The following PHKA2 variants were observed in gnomAD, a reference collection of about 807,000 sequenced individuals.
PHKA2 encodes phosphorylase kinase regulatory subunit alpha 2.
In PHKA2, 31 loss-of-function variants were observed where a neutral mutation model predicts 102.0. The ratio of observed to expected loss-of-function variants is 0.30; its 90% CI spans 0.23 to 0.41. The LOEUF (loss-of-function observed/expected upper bound fraction) is 0.41, where lower values mean the gene tolerates loss of function less well. PHKA2 is among the 10% of genes least tolerant of loss of function. The pLI is 1.00. For missense variants in PHKA2, 858 were observed against 1,023.1 expected, an observed-to-expected ratio of 0.84 and a Z score of 2.20; for synonymous variants, 455 against 416.2, an observed-to-expected ratio of 1.09 and a Z score of -1.13.
intron 30 of PHKA2, among the ~76,000 whole-genome samples, chrX:18,896,830 A>C (rs1298113963): frequency 9.0e-6 from 1 of 111,648 alleles, no homozygotes. Flanking sequence ...CTAGACTGCC[A>C]CCTTGTCTTA....
chrX:18,916,136 C>T (rs1162020103), intron 19 of PHKA2, among the ~76,000 whole-genome samples: 1 of 112,056 alleles, frequency 8.9e-6, no homozygotes, highest in Non-Finnish European at 1.9e-5. Context: ...CAGAATGAGC[C>T]GGGCACGGTG....
At chrX:18,947,494 C>T (rs773227258) in intron 5 of PHKA2, among the ~76,000 whole-genome samples, 4 of 112,261 alleles carry the variant, frequency 3.6e-5, no homozygotes, top group Admixed American at 9.4e-5. Context: ...CTGGTTGGGG[C>T]GACGCTCATG....
chrX:18,944,611 G>A (rs1360147627), intron 6 of PHKA2, among the ~76,000 whole-genome samples: 1 of 111,495 alleles, frequency 9.0e-6, no homozygotes, highest in Non-Finnish European at 1.9e-5. Context: ...GTACCTTCAG[G>A]GAAAGTTTCC....
chrX:18,938,761 T>A lies in PHKA2; in HGVS notation c.919-12A>T. 1 of 1,194,355 alleles carries A rather than the reference T, an allele frequency of 8.4e-7. No individual in the cohort carries two copies. The highest frequency in any genetic ancestry group is 1.1e-6 in the Non-Finnish European group (1 of 879,508). On this transcript the variant is annotated splice_polypyrimidine_tract_variant and intron_variant, in intron 9 of 32. Coordinates refer to ENST00000379942, the MANE Select transcript of PHKA2 (RefSeq NM_000292.3). ...AGTCGATTAGGGTCCTAGAATCAAA[T>A]AAGTCAAACTTTTAAAAGGTGATGT...
chrX:18,947,573 C>T (rs1482358363), intron 5 of PHKA2, among the ~76,000 whole-genome samples: 3 of 112,458 alleles, frequency 2.7e-5, no homozygotes, highest in Non-Finnish European at 5.6e-5. Context: ...AGCACATATG[C>T]ATCCCGTAGG....
At chrX:18,966,506 T>C in intron 1 of PHKA2, among the ~76,000 whole-genome samples, 2 of 112,169 alleles carry the variant, frequency 1.8e-5, no homozygotes, top group South Asian at 7.4e-4. Flanking sequence ...TTGCAGTCCT[T>C]GATTTGTAAA....
At chrX:18,966,663 C>T (rs2048949578) in intron 1 of PHKA2, among the ~76,000 whole-genome samples, 1 of 112,191 alleles carries the variant, frequency 8.9e-6, no homozygotes, top group African/African-American at 3.2e-5. Context: ...GAAGGCAGGG[C>T]CCTGGGTTAT....
At chrX:18,965,152 T>C (rs1340401444) in intron 1 of PHKA2, among the ~76,000 whole-genome samples, 1 of 111,924 alleles carries the variant, frequency 8.9e-6, no homozygotes, top group Non-Finnish European at 1.9e-5. Flanking sequence ...CACAAACCGC[T>C]CTGGGCTCTT....
At chrX:18,944,245 A>G (rs1180907374) in intron 6 of PHKA2, among the ~76,000 whole-genome samples, 1 of 111,884 alleles carries the variant, frequency 8.9e-6, no homozygotes, top group Non-Finnish European at 1.9e-5. Context: ...TAACAAGTTC[A>G]TAACGTTGTG....
At chrX:18,926,368 G>A (rs1019694201) in intron 14 of PHKA2, 85 bp downstream of exon 14, 32 of 748,321 alleles carry the variant, frequency 4.3e-5, no homozygotes, top group Admixed American at 1.1e-4. Context: ...TAGAACTTAC[G>A]TATATCACAG....
intron 16 of PHKA2, 49 bp from the exon 17 acceptor site, chrX:18,924,183 C>A: frequency 1.0e-6 from 1 of 980,707 alleles, no homozygotes; most frequent in East Asian, 3.0e-5. Flanking sequence ...GACTTTTTTT[C>A]CGTTATGCAC....
chrX:18,920,395 G>A (rs1450669544), intron 17 of PHKA2, among the ~76,000 whole-genome samples, 194 bp from the exon 18 acceptor site: 5 of 111,935 alleles, frequency 4.5e-5, no homozygotes, highest in Non-Finnish European at 9.4e-5. Flanking sequence ...TGAAGTGAAC[G>A]CGCACAGCAT....
chrX:18,962,908 T>C, intron 1 of PHKA2, among the ~76,000 whole-genome samples: 2 of 111,527 alleles, frequency 1.8e-5, no homozygotes, highest in East Asian at 5.7e-4. Flanking sequence ...AGGAGGGTGA[T>C]TAGGGCAATG....
chrX:18,948,605 G>A (rs1601772873), intron 5 of PHKA2, 139 bp downstream of exon 5: 7 of 505,782 alleles, frequency 1.4e-5, no homozygotes, highest in Non-Finnish European at 2.6e-5. Context: ...GTTTGTGTGT[G>A]GAGGTGACAC....
chrX:18,947,529 T>C (rs2048602714), intron 5 of PHKA2, among the ~76,000 whole-genome samples: 1 of 112,594 alleles, frequency 8.9e-6, no homozygotes, highest in Non-Finnish European at 1.9e-5. Context: ...ACCAAGGTGC[T>C]AATGCTGCTA....
intron 17 of PHKA2, among the ~76,000 whole-genome samples, chrX:18,922,320 G>A (rs757040377): frequency 6.2e-5 from 7 of 112,362 alleles, no homozygotes; most frequent in Non-Finnish European, 1.3e-4. Flanking sequence ...ATGATGCCAT[G>A]CACCAGGTGG....
At chrX:18,928,425 G>A (rs747317854) in intron 13 of PHKA2, among the ~76,000 whole-genome samples, 5 of 112,319 alleles carry the variant, frequency 4.5e-5, no homozygotes, top group Non-Finnish European at 7.5e-5. Context: ...GTATGGGTGC[G>A]TATGTGCCAA....
In PHKA2 at chrX:18,906,615, C is replaced by A. The variant is rs2047817433; in HGVS notation, c.2686G>T (p.Val896Phe). The stretch of plus-strand genomic sequence containing the variant: ...GCCCTGACATACATGGCCAGGTAAA[C>A]CACAATCTCCTGAGGCAGACACACA... ...SIAVLTQEIV[V>F]YLAMYVRAQP... The change falls in exon 25 of 33, where the codon GTT becomes TTT. Residue 896 changes from valine (V) to phenylalanine (F), a missense_variant. This residue lies in a region of PHKA2 where 671 missense variants were observed against 745.2 expected (regional missense o/e 0.90). Coordinates refer to ENST00000379942, the MANE Select transcript of PHKA2 (RefSeq NM_000292.3). 1.7e-6 allele frequency: 2 copies of A among 1,200,311 alleles called. No individual in the cohort carries two copies. Among genetic ancestry groups the A allele is most frequent in the Admixed American group, 4.4e-5 (2 of 45,916 alleles).
Position 18,936,162 on chromosome X carries a change from C to G in PHKA2, c.1042-12G>C, listed in dbSNP as rs747884026. ...CGGTATTCTTGGACCTGGAAAACAG[C>G]CCCATCATCCATGGCAGGAAGGAGG... is the stretch of plus-strand genomic sequence containing the variant. On this transcript the variant is annotated splice_polypyrimidine_tract_variant and intron_variant, in intron 10 of 32. Transcript: ENST00000379942. The G allele has an allele frequency of 2.0e-5, 22 of 1,112,173 alleles. No homozygotes were observed. The highest frequency in any genetic ancestry group is 2.7e-5 in the Non-Finnish European group (22 of 807,053). 91.7% of individuals were successfully genotyped at this position (1,112,173 alleles called of 1,213,427 possible).
Sources: allele counts gnomAD v4.1 joint callset (sites outside exome capture counted in the v4.1 genomes callset), GRCh38; gene constraint gnomAD v4.1.1; regional missense constraint gnomAD v4.1.1; transcripts MANE v1.5; gene names NCBI Gene and HGNC (gene_info 2026-07-23, HGNC 2026-07-21).